GADL1: variants seen among roughly 807,000 people sequenced by gnomAD.
GADL1 encodes the protein acidic amino acid decarboxylase GADL1.
GADL1 carries 71 observed loss-of-function variants against 69.5 expected under a neutral mutation model. That is an observed-to-expected ratio of 1.02 (90% CI 0.84 to 1.25). The LOEUF is 1.25. Ranked by LOEUF, GADL1 falls within the 50% of genes most tolerant of loss-of-function variation. The pLI, the probability that GADL1 is intolerant of heterozygous loss-of-function variation, is 0.00. For synonymous variants in GADL1, 254 were observed against 214.4 expected (o/e 1.18, Z -1.62); for missense variants, 737 against 631.8 (o/e 1.17, Z -1.79).
intron 11 of GADL1, among the ~76,000 whole-genome samples, chr3:30,803,588 C>G (rs1490955912): frequency 1.3e-5 from 2 of 152,134 alleles, no homozygotes; most frequent in African/African-American, 4.8e-5. Context: ...AAGTGGAGAA[C>G]AAGAGAGCCA....
At chr3:30,816,551 T>G (rs930278917) in intron 11 of GADL1, among the ~76,000 whole-genome samples, 1 of 93,950 alleles carries the variant, frequency 1.1e-5, no homozygotes, top group South Asian at 3.6e-4. Flanking sequence ...TTTTTTTTTT[T>G]TTTTTTTTTT....
Position 30,786,423 on chromosome 3 carries a change from C to CA in GADL1, c.1251-18dup. ...ACTAGGTACCTAAAATTAAAAGTCACAATAATATTTATAATCTGCAATGTA... is the reference window on the plus strand; with the variant it reads ...ACTAGGTACCTAAAATTAAAAGTCACAAATAATATTTATAATCTGCAATGTA... On this transcript the variant is annotated splice_polypyrimidine_tract_variant and intron_variant, in intron 12 of 14. Coordinates refer to ENST00000282538, the MANE Select transcript of GADL1 (RefSeq NM_207359.3). The CA allele has an allele frequency of 7.9e-7, 1 of 1,265,716 alleles. No homozygotes were observed. Among genetic ancestry groups the CA allele is most frequent in the Non-Finnish European group, 1.2e-6 (1 of 868,004 alleles). 78.4% of individuals were successfully genotyped at this position (1,265,716 alleles called of 1,614,324 possible).
chr3:30,871,155 G>A (rs1009644735), intron 1 of GADL1, among the ~76,000 whole-genome samples: 4 of 150,604 alleles, frequency 2.7e-5, no homozygotes, highest in Admixed American at 2.0e-4. Flanking sequence ...TGAGAAAGAG[G>A]CAAGGAGACC....
chr3:30,834,205 A>T lies in GADL1; in HGVS notation c.968+12T>A. 1 of 1,610,744 alleles carries T rather than the reference A, an allele frequency of 6.2e-7. No homozygotes were observed. The highest frequency in any genetic ancestry group is 8.5e-7 in the Non-Finnish European group (1 of 1,177,414). ...GACAAAAGTTGGCTGTACACCAGGA[A>T]ACTACATTTACCTGTGGATGCCATG... is the stretch of plus-strand genomic sequence containing the variant. On this transcript the variant is annotated intron_variant, in intron 10 of 14. Transcript: ENST00000282538.
At chr3:30,852,783 C>CA (rs1460951738) in intron 4 of GADL1, among the ~76,000 whole-genome samples, 1 of 152,050 alleles carries the variant, frequency 6.6e-6, no homozygotes, top group Non-Finnish European at 1.5e-5. Context: ...AGCTTAGCAG[C>CA]AATTTAACAC....
chr3:30,739,225 G>A (rs758733953), intron 14 of GADL1, among the ~76,000 whole-genome samples: 2 of 152,194 alleles, frequency 1.3e-5, no homozygotes, highest in Non-Finnish European at 1.5e-5. Context: ...AGCCCATGGC[G>A]TTATGCTGCT....
intron 1 of GADL1, among the ~76,000 whole-genome samples, chr3:30,867,735 G>T (rs1046523576): frequency 1.3e-5 from 2 of 151,892 alleles, no homozygotes; most frequent in Non-Finnish European, 2.9e-5. Context: ...CCATTAGCAA[G>T]GCATCATTAG....
intron 2 of GADL1, among the ~76,000 whole-genome samples, chr3:30,860,332 T>C (rs1413778390): frequency 3.9e-5 from 6 of 151,918 alleles, no homozygotes; most frequent in Admixed American, 6.6e-5. Flanking sequence ...TTCTTTATAT[T>C]CTCTAGGGCT....
chr3:30,804,371 G>T (rs1697217528), intron 11 of GADL1, among the ~76,000 whole-genome samples: 1 of 152,136 alleles, frequency 6.6e-6, no homozygotes, highest in Non-Finnish European at 1.5e-5. Flanking sequence ...GACAACTTCT[G>T]CTGGTGGTGC....
intron 1 of GADL1, among the ~76,000 whole-genome samples, chr3:30,881,254 A>G (rs181992981): frequency 2.3e-4 from 35 of 151,978 alleles, no homozygotes; most frequent in Admixed American, 1.4e-3. Flanking sequence ...CAAGCTTCCT[A>G]TCTGACAAAA....
intron 9 of GADL1, among the ~76,000 whole-genome samples, chr3:30,835,759 C>T (rs765914264): frequency 2.4e-4 from 37 of 152,036 alleles, no homozygotes; most frequent in African/African-American, 2.7e-4. Flanking sequence ...CAGAGGCCTG[C>T]GAGCTCTGAT....
chr3:30,770,252 CAG>C (rs572353245), intron 14 of GADL1, among the ~76,000 whole-genome samples: 129 of 152,310 alleles, frequency 8.5e-4, no homozygotes, highest in African/African-American at 2.8e-3. Flanking sequence ...CAAATAAAAT[CAG>C]AGACACAGTG....
At chr3:30,751,341 C>T (rs187156747) in intron 14 of GADL1, among the ~76,000 whole-genome samples, 49 of 151,994 alleles carry the variant, frequency 3.2e-4, no homozygotes, top group African/African-American at 4.8e-4. Context: ...ACTCTTGAGC[C>T]GCTTGCTGGT....
chr3:30,730,444 G>A (rs966978197), intron 14 of GADL1, among the ~76,000 whole-genome samples: 7 of 152,232 alleles, frequency 4.6e-5, no homozygotes, highest in South Asian at 2.1e-4. Flanking sequence ...GATTCTGCAC[G>A]GAGATCGCTA....
chr3:30,738,130 A>G (rs537090805), intron 14 of GADL1, among the ~76,000 whole-genome samples: 1 of 152,338 alleles, frequency 6.6e-6, no homozygotes, highest in South Asian at 2.1e-4. Context: ...ACCTGAGCTA[A>G]TAGCTCCTGA....
intron 6 of GADL1, among the ~76,000 whole-genome samples, chr3:30,848,808 A>C (rs1249098763): frequency 6.6e-6 from 1 of 152,154 alleles, no homozygotes; most frequent in Non-Finnish European, 1.5e-5. Context: ...ACATGCAATT[A>C]CTCATTTAAC....
At chr3:30,772,153 C>CTT (rs1696431873) in intron 14 of GADL1, among the ~76,000 whole-genome samples, 1 of 139,434 alleles carries the variant, frequency 7.2e-6, no homozygotes, top group South Asian at 2.2e-4. Context: ...TATCACCAAA[C>CTT]AATAAAACAA....
At chr3:30,886,355 G>A (rs1485178784) in intron 1 of GADL1, among the ~76,000 whole-genome samples, 1 of 152,122 alleles carries the variant, frequency 6.6e-6, no homozygotes, top group African/African-American at 2.4e-5. Flanking sequence ...CAAAAGACAA[G>A]GTGTTGATTT....
At chr3:30,886,778 A>C (rs904389341) in intron 1 of GADL1, among the ~76,000 whole-genome samples, 1 of 152,216 alleles carries the variant, frequency 6.6e-6, no homozygotes, top group African/African-American at 2.4e-5. Flanking sequence ...TGTTGTGTGC[A>C]AGGTCACAGC....
Sources: allele counts gnomAD v4.1 joint callset (sites outside exome capture counted in the v4.1 genomes callset), GRCh38; gene constraint gnomAD v4.1.1; transcripts MANE v1.5; gene names NCBI Gene and HGNC (gene_info 2026-07-23, HGNC 2026-07-21).